Variants in DCDC2C observed in about 807,000 individuals in gnomAD.
The protein encoded by DCDC2C is doublecortin domain-containing protein 2C.
DCDC2C carries 44 observed loss-of-function variants against 45.0 expected under a neutral mutation model. The observed-to-expected ratio is 0.98, with a 90% CI of 0.77 to 1.26. The LOEUF (loss-of-function observed/expected upper bound fraction) is 1.26. Ranked by LOEUF, DCDC2C falls within the 50% of genes most tolerant of loss-of-function variation. The pLI is 0.00. For missense variants in DCDC2C, 447 were observed against 468.9 expected (o/e 0.95, Z 0.43); for synonymous variants, 187 against 178.8 (o/e 1.05, Z -0.37).
intron 3 of DCDC2C, among the ~76,000 whole-genome samples, chr2:3,730,582 C>T (rs756074737): frequency 3.2e-4 from 49 of 152,084 alleles, no homozygotes; most frequent in Non-Finnish European, 4.6e-4. Flanking sequence ...GCAGCCCCCG[C>T]CCCCCGAGCT....
intron 10 of DCDC2C, among the ~76,000 whole-genome samples, chr2:3,789,249 G>T (rs963952393): frequency 6.6e-6 from 1 of 152,138 alleles, no homozygotes; most frequent in Non-Finnish European, 1.5e-5. Context: ...AAACTGCCAA[G>T]CACCACACAA....
At chr2:3,779,167 T>G (rs898942776) in intron 9 of DCDC2C, among the ~76,000 whole-genome samples, 3 of 152,242 alleles carry the variant, frequency 2.0e-5, no homozygotes, top group Non-Finnish European at 2.9e-5. Context: ...CCCAGCAAGT[T>G]TCAAGATGTA....
chr2:3,794,767 T>C (rs911310568), intron 10 of DCDC2C, among the ~76,000 whole-genome samples: 1 of 152,236 alleles, frequency 6.6e-6, no homozygotes, highest in African/African-American at 2.4e-5. Context: ...GTCTATCACT[T>C]TGGACATTTG....
chr2:3,811,434 C>G (rs867629747), intron 10 of DCDC2C, among the ~76,000 whole-genome samples: 43 of 152,106 alleles, frequency 2.8e-4, no homozygotes, highest in African/African-American at 8.2e-4. Flanking sequence ...TATTTTGTAT[C>G]CTGAGACTTT....
Position 3,742,403 on chromosome 2 carries a change from C to G in DCDC2C, c.545+355C>G, listed in dbSNP as rs573716058. 5.9e-5 allele frequency among the ~76,000 whole-genome samples: 9 copies of G among 152,218 alleles called. No homozygotes were observed. In the South Asian group the frequency reaches 1.9e-3, roughly 32 times the overall value. On this transcript the variant is annotated intron_variant, in intron 4 of 10. Coordinates refer to ENST00000399143, the MANE Select transcript of DCDC2C (RefSeq NM_001287444.2). The stretch of plus-strand genomic sequence containing the variant: ...AGGCCTCTCAGTTGGTCTGGAGGAG[C>G]CAGGCCTGGGGGAGCTGGTGTTTGG...
intron 2 of DCDC2C, chr2:3,725,899 G>A (rs72493326): frequency 0.45 from 67,680 of 150,618 alleles, 15,887 homozygotes; most frequent in African/African-American, 0.59. Flanking sequence ...AGAGAGTGAC[G>A]AGGCTGCTGG....
chr2:3,704,708 G>A (rs867581611), intron 1 of DCDC2C, among the ~76,000 whole-genome samples: 1 of 51,348 alleles, frequency 1.9e-5, no homozygotes, highest in Non-Finnish European at 3.5e-5. Context: ...AGGGGAGGGG[G>A]AGGGGGGAGG....
At chr2:3,744,408 C>T (rs1669301237) in intron 4 of DCDC2C, among the ~76,000 whole-genome samples, 1 of 152,124 alleles carries the variant, frequency 6.6e-6, no homozygotes, top group Non-Finnish European at 1.5e-5. Flanking sequence ...CAAGAGGCTG[C>T]AGAGGCAAGG....
chr2:3,716,719 A>G (rs1336904318), intron 2 of DCDC2C, among the ~76,000 whole-genome samples: 6 of 152,192 alleles, frequency 3.9e-5, no homozygotes, highest in Non-Finnish European at 8.8e-5. Context: ...GTGGGTGAGG[A>G]AGATATTATG....
chr2:3,704,869 G>T (rs1261042042), intron 1 of DCDC2C, among the ~76,000 whole-genome samples: 1 of 152,052 alleles, frequency 6.6e-6, no homozygotes, highest in East Asian at 1.9e-4. Context: ...TTAAACTATT[G>T]CCCTCCCACG....
chr2:3,791,027 G>A (rs148287895), intron 10 of DCDC2C, among the ~76,000 whole-genome samples: 97 of 152,120 alleles, frequency 6.4e-4, no homozygotes, highest in African/African-American at 2.0e-3. Flanking sequence ...GGAGAATGGC[G>A]TGAACCCGCG....
intron 10 of DCDC2C, among the ~76,000 whole-genome samples, chr2:3,837,176 C>G (rs1287094504): frequency 6.6e-6 from 1 of 152,182 alleles, no homozygotes; most frequent in Non-Finnish European, 1.5e-5. Flanking sequence ...ACTGGCCAAT[C>G]TCTTAAGGGC....
chr2:3,838,166 G>A (rs747400590), intron 10 of DCDC2C, among the ~76,000 whole-genome samples: 6 of 152,070 alleles, frequency 3.9e-5, no homozygotes, highest in Non-Finnish European at 8.8e-5. Context: ...TCCAGAGTTG[G>A]TAAAGGAGGA....
In DCDC2C at chr2:3,742,030, C is replaced by T; in HGVS notation, c.527C>T (p.Pro176Leu). 1 of 1,544,608 alleles carries T rather than the reference C, an allele frequency of 6.5e-7. No homozygotes were observed. The highest frequency in any genetic ancestry group is 8.7e-7 in the Non-Finnish European group (1 of 1,144,726). Residue 176 changes from proline (P) to leucine (L), a missense_variant, in exon 4 of 11, where the codon CCT becomes CTT. Transcript: ENST00000399143. The stretch of plus-strand genomic sequence containing the variant: ...GCCACGATCGGAGAAAAAGTCTTCC[C>T]TCTAGGAGGCGTTCGGAAGTAAGGA... Reference protein sequence around the residue: ...VLATIGEKVFPLGGVRKLFTM... With the variant: ...VLATIGEKVFLLGGVRKLFTM...
intron 6 of DCDC2C, among the ~76,000 whole-genome samples, chr2:3,767,284 A>T (rs1485754888): frequency 6.6e-6 from 1 of 152,230 alleles, no homozygotes; most frequent in African/African-American, 2.4e-5. Flanking sequence ...TGCAACCCCA[A>T]AGTAAACCGC....
chr2:3,765,069 G>A (rs1004953752), intron 6 of DCDC2C, among the ~76,000 whole-genome samples: 1 of 152,172 alleles, frequency 6.6e-6, no homozygotes, highest in Non-Finnish European at 1.5e-5. Flanking sequence ...AGGCAAAGGT[G>A]CATGATGTAA....
intron 6 of DCDC2C, among the ~76,000 whole-genome samples, chr2:3,756,439 C>T (rs1476419551): frequency 6.6e-6 from 1 of 152,148 alleles, no homozygotes; most frequent in Non-Finnish European, 1.5e-5. Flanking sequence ...AACAGATAGC[C>T]CTGGGCTTTG....
chr2:3,823,481 T>G (rs1671742213), intron 10 of DCDC2C, among the ~76,000 whole-genome samples: 1 of 152,176 alleles, frequency 6.6e-6, no homozygotes, highest in African/African-American at 2.4e-5. Flanking sequence ...TATGTCTTGT[T>G]GGTTTATGTT....
intron 2 of DCDC2C, among the ~76,000 whole-genome samples, chr2:3,715,945 G>A (rs2148053146): frequency 6.6e-6 from 1 of 152,284 alleles, no homozygotes. Flanking sequence ...CTGAGGAGGT[G>A]ACTTTTGAGT....
Sources: gnomAD v4.1 joint callset for allele counts (sites outside exome capture counted in the v4.1 genomes callset) on GRCh38, gnomAD v4.1.1 for gene constraint, MANE v1.5 for transcripts, NCBI Gene and HGNC (gene_info 2026-07-23, HGNC 2026-07-21) for gene names.